Variants in SEMA3C observed in about 807,000 individuals in gnomAD.
SEMA3C encodes the protein semaphorin-3C.
In SEMA3C, 47 loss-of-function variants were observed where a neutral mutation model predicts 89.4. The observed-to-expected ratio is 0.53, with a 90% CI of 0.42 to 0.67. SEMA3C has a LOEUF of 0.67. Ranked by LOEUF, SEMA3C falls within the 30% of genes least tolerant of loss-of-function variation. The pLI is 0.00. For missense variants in SEMA3C, 839 were observed against 929.1 expected, an observed-to-expected ratio of 0.90 and a Z score of 1.26; for synonymous variants, 310 against 320.2, an observed-to-expected ratio of 0.97 and a Z score of 0.34.
intron 2 of SEMA3C, among the ~76,000 whole-genome samples, chr7:80,832,492 C>T (rs776302211): frequency 6.6e-6 from 1 of 152,090 alleles, no homozygotes; most frequent in Non-Finnish European, 1.5e-5. Context: ...CATACTGGCC[C>T]CATTCTTCTA....
chr7:80,777,794 C>T (rs1034767221), intron 12 of SEMA3C, among the ~76,000 whole-genome samples: 1 of 152,224 alleles, frequency 6.6e-6, no homozygotes, highest in South Asian at 2.1e-4. Flanking sequence ...AAATAGATTT[C>T]TGGGACAAAG....
chr7:80,896,536 A>G, intron 2 of SEMA3C, among the ~76,000 whole-genome samples: 1 of 152,248 alleles, frequency 6.6e-6, no homozygotes, highest in East Asian at 1.9e-4. Flanking sequence ...ATAATTAAAT[A>G]TATGAGATAA....
Position 80,745,149 on chromosome 7 carries a change from C to T in SEMA3C, c.2001G>A (p.Val667=), listed in dbSNP as rs1457399827. 6.2e-7 allele frequency: 1 copy of T among 1,614,044 alleles called. No homozygotes were observed. The highest frequency in any genetic ancestry group is 1.1e-5 in the South Asian group (1 of 91,088). Residue 667 remains valine (V), a synonymous_variant, in exon 18 of 18, where the codon GTG becomes GTA. Coordinates refer to ENST00000265361, the MANE Select transcript of SEMA3C (RefSeq NM_006379.5). ...GGGACCATTTGTCCGTCACAACAGC[C>T]ACCATTTCTGAATCTAAAACTTTGA... ...INFKVLDSEM[V]AVVTDKWSPW... is the part of the protein sequence containing the mutation.
intron 2 of SEMA3C, among the ~76,000 whole-genome samples, chr7:80,881,446 A>G (rs576802512): frequency 1.3e-5 from 2 of 152,338 alleles, no homozygotes; most frequent in African/African-American, 4.8e-5. Flanking sequence ...CTAAGAAAAC[A>G]GAATTGATAC....
At position 80,768,522 on chromosome 7, in the gene SEMA3C, A is replaced by G. The variant is rs569649494; in HGVS notation, c.1355-3279T>C. ...GAGCGAGACTCCGTCTAAAAAAAAA[A>G]AAAAAAGAATTACCCCGATAACAAC... On this transcript the variant is annotated intron_variant, in intron 12 of 17. Transcript: ENST00000265361. 9.2e-3 allele frequency among the ~76,000 whole-genome samples: 1,394 copies of G among 152,282 alleles called. 19 individuals carry two copies. Among genetic ancestry groups the G allele is most frequent in the African/African-American group, 0.03 (1,252 of 41,570 alleles).
At chr7:80,871,341 A>C (rs1791053830) in intron 2 of SEMA3C, among the ~76,000 whole-genome samples, 1 of 152,184 alleles carries the variant, frequency 6.6e-6, no homozygotes, top group Non-Finnish European at 1.5e-5. Flanking sequence ...AGAGACCTTT[A>C]ATTTTTCTGC....
chr7:80,800,830 T>TA lies in SEMA3C; in HGVS notation c.917-5dup. 2 of 1,503,344 alleles carry TA rather than the reference T, an allele frequency of 1.3e-6. No homozygotes were observed. The highest frequency in any genetic ancestry group is 1.8e-6 in the Non-Finnish European group (2 of 1,130,356). The allele number at this position is 1,503,344 out of a possible 1,614,324, so 93.1% of individuals were successfully genotyped here. ...GTTTCCAGCAGAAACACATCCTCTA[T>TA]AAAAAGGAAAATATTCTTTTAAAGT... On this transcript the variant is annotated splice_region_variant and splice_polypyrimidine_tract_variant and intron_variant, in intron 9 of 17. Transcript: ENST00000265361.
chr7:80,759,421 CT>C (rs1788136252), intron 14 of SEMA3C, among the ~76,000 whole-genome samples: 1 of 152,152 alleles, frequency 6.6e-6, no homozygotes, highest in African/African-American at 2.4e-5. Context: ...CTCTGAAACT[CT>C]GGAACCAGAC....
chr7:80,750,451 TATATATATATATATATATATATAC>T (rs1458050603), intron 16 of SEMA3C, among the ~76,000 whole-genome samples: 2 of 55,744 alleles, frequency 3.6e-5, no homozygotes, highest in African/African-American at 6.5e-5. Flanking sequence ...TATATATATA[TATATATATATATATATATATATAC>T]ACACACACAC....
chr7:80,875,718 T>C (rs1458167925), intron 2 of SEMA3C, among the ~76,000 whole-genome samples: 1 of 151,922 alleles, frequency 6.6e-6, no homozygotes, highest in African/African-American at 2.4e-5. Flanking sequence ...ACTGCAGAAG[T>C]ATCTCAGTGT....
chr7:80,788,104 A>C (rs1583877769), intron 12 of SEMA3C, among the ~76,000 whole-genome samples: 1 of 152,348 alleles, frequency 6.6e-6, no homozygotes, highest in East Asian at 1.9e-4. Context: ...TTATTTAGCC[A>C]AGAAAAAGTA....
At chr7:80,871,325 T>C (rs1235425734) in intron 2 of SEMA3C, among the ~76,000 whole-genome samples, 1 of 152,210 alleles carries the variant, frequency 6.6e-6, no homozygotes, top group Admixed American at 6.5e-5. Flanking sequence ...TGTTACTTCC[T>C]TGCCTAGAGA....
At chr7:80,865,393 C>T (rs931191551) in intron 2 of SEMA3C, among the ~76,000 whole-genome samples, 21 of 152,166 alleles carry the variant, frequency 1.4e-4, no homozygotes, top group African/African-American at 4.3e-4. Context: ...AAACTACTTA[C>T]TATTCTACTA....
At chr7:80,750,473 T>TATATACATACACACAC (rs869227686) in intron 16 of SEMA3C, among the ~76,000 whole-genome samples, 4 of 55,436 alleles carry the variant, frequency 7.2e-5, no homozygotes, top group Non-Finnish European at 3.5e-5. Context: ...TATATATATA[T>TATATACATACACACAC]ACACACACAC....
At chr7:80,769,864 CAAAAAAAAAAAA>C (rs1293174938) in intron 12 of SEMA3C, among the ~76,000 whole-genome samples, 1 of 46,660 alleles carries the variant, frequency 2.1e-5, no homozygotes, top group Admixed American at 2.7e-4. Context: ...GTCCCCCCCC[CAAAAAAAAAAAA>C]AAAAAAAAAA....
At chr7:80,790,884 T>C (rs1373248939) in intron 11 of SEMA3C, among the ~76,000 whole-genome samples, 2 of 152,196 alleles carry the variant, frequency 1.3e-5, no homozygotes, top group African/African-American at 4.8e-5. Context: ...TATTTTGTTA[T>C]TGTTTTGCCA....
intron 4 of SEMA3C, among the ~76,000 whole-genome samples, chr7:80,826,892 C>T (rs1223429269): frequency 6.6e-6 from 1 of 152,110 alleles, no homozygotes; most frequent in African/African-American, 2.4e-5. Flanking sequence ...TAGAGGAATA[C>T]AATTTGCACA....
In SEMA3C at chr7:80,743,074, T is replaced by C. The variant is rs1356783531; in HGVS notation, c.*1820A>G. The stretch of plus-strand genomic sequence containing the variant: ...ATAGATTGGCCATAAACACAGAAGA[T>C]GGTTTTGGCTTTACATTGACACATT... On this transcript the variant is annotated 3_prime_UTR_variant, in exon 18 of 18. Coordinates refer to ENST00000265361, the MANE Select transcript of SEMA3C (RefSeq NM_006379.5). 1 of 151,884 alleles carries C rather than the reference T, an allele frequency of 6.6e-6. No homozygotes were observed. The highest frequency in any genetic ancestry group is 1.5e-5 in the Non-Finnish European group (1 of 67,824). 9.4% of individuals were successfully genotyped at this position (151,884 alleles called of 1,614,324 possible).
intron 2 of SEMA3C, among the ~76,000 whole-genome samples, chr7:80,913,749 C>T (rs1043654299): frequency 2.0e-5 from 3 of 152,216 alleles, no homozygotes; most frequent in African/African-American, 7.2e-5. Flanking sequence ...CATTCTCCCA[C>T]AGGACTGATG....
Sources: allele counts gnomAD v4.1 joint callset (sites outside exome capture counted in the v4.1 genomes callset), GRCh38; gene constraint gnomAD v4.1.1; transcripts MANE v1.5; gene names NCBI Gene and HGNC (gene_info 2026-07-23, HGNC 2026-07-21).